Variants in PIEZO2 observed in about 807,000 individuals in gnomAD.
The protein encoded by PIEZO2 is piezo type mechanosensitive ion channel component 2, also known as piezo-type mechanosensitive ion channel component 2.
In PIEZO2, 172 loss-of-function variants were observed where a neutral mutation model predicts 337.3. That is an observed-to-expected ratio of 0.51 (90% CI 0.45 to 0.58). The LOEUF is 0.58. Among genes scored for constraint, PIEZO2 ranks in the 20% least tolerant of loss-of-function variants. The pLI is 0.00. For missense variants in PIEZO2, 3,028 were observed against 3,391.3 expected, an observed-to-expected ratio of 0.89 and a Z score of 2.66; for synonymous variants, 1,251 against 1,228.5, an observed-to-expected ratio of 1.02 and a Z score of -0.38.
intron 9 of PIEZO2, among the ~76,000 whole-genome samples, chr18:10,802,041 C>A (rs1218771013): frequency 1.4e-5 from 2 of 145,800 alleles, no homozygotes. Flanking sequence ...AGCCGAGATC[C>A]CGCCACTGCA....
At chr18:10,683,472 C>T (rs2034369106) in intron 49 of PIEZO2, among the ~76,000 whole-genome samples, 1 of 152,186 alleles carries the variant, frequency 6.6e-6, no homozygotes, top group Admixed American at 6.5e-5. Flanking sequence ...CAGATGGTAG[C>T]AGTGCATTTT....
chr18:10,699,207 GCTA>G, intron 43 of PIEZO2, 30 bp from the exon 44 acceptor site: 4 of 1,536,640 alleles, frequency 2.6e-6, no homozygotes, highest in Non-Finnish European at 3.5e-6. Context: ...GACAAATGAG[GCTA>G]CTGTTTCAGG....
chr18:10,785,965 CCT>C (rs145970989), intron 16 of PIEZO2, among the ~76,000 whole-genome samples: 2,385 of 152,308 alleles, frequency 0.016, 40 homozygotes, highest in African/African-American at 0.052. Context: ...CCACTCACCC[CCT>C]GTCTTCAGTT....
rs2037595118 is a variant in PIEZO2, at chr18:10,750,237, A to G, written c.4168-50T>C. ...TCCTGAAGCTCTGCAGCCAGAAAAA[A>G]AAGTGGTGTTTTATGATCCCAACAT... On this transcript the variant is annotated intron_variant, in intron 28 of 55. Coordinates refer to ENST00000674853, the MANE Select transcript of PIEZO2 (RefSeq NM_001378183.1). This position sits in a 1 kb window ranked among gnomAD's most constrained non-coding sequence, Gnocchi z 4.1. The G allele has an allele frequency of 3.6e-6, 5 of 1,389,310 alleles. No homozygotes were observed. Among genetic ancestry groups the G allele is most frequent in the African/African-American group, 1.4e-5 (1 of 70,270 alleles). The allele number at this position is 1,389,310 out of a possible 1,614,324, so 86.1% of individuals were successfully genotyped here. A position where few individuals can be genotyped will look rare whatever the true frequency, so the allele number is the denominator to read the frequency against.
chr18:10,678,810 GTC>G (rs150624372), intron 52 of PIEZO2, among the ~76,000 whole-genome samples: 5,638 of 152,170 alleles, frequency 0.037, 354 homozygotes, highest in African/African-American at 0.13. Flanking sequence ...CTCTCAGGAA[GTC>G]TCTCTCTTCG....
At chr18:11,014,873 G>GGGC (rs2036052012) in intron 2 of PIEZO2, among the ~76,000 whole-genome samples, 1 of 130,854 alleles carries the variant, frequency 7.6e-6, no homozygotes, top group Non-Finnish European at 1.6e-5. Context: ...GCGATCCAAG[G>GGGC]CCCCCTCATT....
Position 11,066,146 on chromosome 18 carries a change from T to C in PIEZO2, c.141A>G (p.Pro47=). The part of the protein sequence containing the change: ...YLLLIPLFSE[P]TKTTMQGHTG... ...TCTTACCTTGCATCGTCGTTTTTGT[T>C]GGTTCTGAGAACAGAGGAATGAGCA... The change falls in exon 2 of 56, where the codon CCA becomes CCG. Residue 47 remains proline, a synonymous_variant. Coordinates refer to ENST00000674853, the MANE Select transcript of PIEZO2 (RefSeq NM_001378183.1). 6.5e-7 allele frequency: 1 copy of C among 1,535,992 alleles called. No homozygotes were observed. The highest frequency in any genetic ancestry group is 1.2e-5 in the South Asian group (1 of 84,024).
chr18:10,879,787 C>T (rs937587264), intron 4 of PIEZO2, among the ~76,000 whole-genome samples: 1 of 152,158 alleles, frequency 6.6e-6, no homozygotes, highest in African/African-American at 2.4e-5. Context: ...TTCTAAATAA[C>T]TTACCTGTCC....
intron 35 of PIEZO2, among the ~76,000 whole-genome samples, chr18:10,733,017 G>C (rs79702848): frequency 7.5e-4 from 4 of 5,346 alleles, no homozygotes; most frequent in Non-Finnish European, 1.3e-3. Context: ...TTGTGAATAT[G>C]AGGCGCACAA....
At chr18:11,005,086 C>CTCAGACT (rs2035672748) in intron 2 of PIEZO2, among the ~76,000 whole-genome samples, 1 of 152,214 alleles carries the variant, frequency 6.6e-6, no homozygotes. Context: ...ACAAGAAGTC[C>CTCAGACT]TCAGACTTCT....
intron 35 of PIEZO2, among the ~76,000 whole-genome samples, chr18:10,734,598 G>T (rs879417535): frequency 1.3e-5 from 2 of 152,160 alleles, no homozygotes; most frequent in Non-Finnish European, 2.9e-5. Flanking sequence ...ATGTTTTTCC[G>T]TAACGAAGCG....
intron 41 of PIEZO2, 64 bp from the exon 42 acceptor site, chr18:10,704,716 C>A: frequency 6.7e-7 from 1 of 1,492,522 alleles, no homozygotes; most frequent in Non-Finnish European, 8.9e-7. Context: ...TGGAGTTTTG[C>A]TCTTGTTGCC....
chr18:10,936,265 T>C (rs1218053687), intron 3 of PIEZO2, among the ~76,000 whole-genome samples: 1 of 152,204 alleles, frequency 6.6e-6, no homozygotes, highest in Non-Finnish European at 1.5e-5. Context: ...AGTTCTGAAA[T>C]TGCAATGTCG....
In PIEZO2 at chr18:11,078,690, T is replaced by C. The variant is rs1483247896; in HGVS notation, c.65-12468A>G. On this transcript the variant is annotated intron_variant, in intron 1 of 55. Transcript: ENST00000674853. This position sits in a 1 kb window ranked among gnomAD's most constrained non-coding sequence, Gnocchi z 5.3. ...TATGATACCATACTAATGAGACACA[T>C]GCGGCCTCTGACCACAGTGTGAAAA... Among the ~76,000 whole-genome samples, 1 of 152,216 alleles carries C rather than the reference T, an allele frequency of 6.6e-6. No individual in the cohort carries two copies. Among genetic ancestry groups the C allele is most frequent in the Non-Finnish European group, 1.5e-5 (1 of 68,042 alleles).
chr18:10,718,583 G>A (rs28681466), intron 36 of PIEZO2, among the ~76,000 whole-genome samples: 6,884 of 152,234 alleles, frequency 0.045, 514 homozygotes, highest in African/African-American at 0.16. Context: ...AAGGAGAATA[G>A]TATTTGGTGC....
rs2041729594 is a variant in PIEZO2, at chr18:10,857,144, C to T, written c.560G>A (p.Gly187Asp). Residue 187 changes from glycine (G) to aspartate (D), a missense_variant, in exon 6 of 56, where the codon GGT (glycine) becomes GAT (aspartate). Physicochemically the swap from Gly to Asp is moderately conservative, Grantham distance 94 (BLOSUM62 -1). Around this residue, in one of 5 missense-constraint regions of PIEZO2, gnomAD observed 542 missense variants for 605.6 expected, o/e 0.89. Coordinates refer to ENST00000674853, the MANE Select transcript of PIEZO2 (RefSeq NM_001378183.1). Reference sequence around the variant, plus strand: ...GCTTTCTTCCAACTCGCCTTCAACACCATCTCCTCCATTGAAATCCTCTTC... The same window carrying T: ...GCTTTCTTCCAACTCGCCTTCAACATCATCTCCTCCATTGAAATCCTCTTC... ...IYEEDFNGGD[G>D]VEGELEESTK... 1 of 1,537,898 alleles carries T rather than the reference C, an allele frequency of 6.5e-7. No individual in the cohort carries two copies. The highest frequency in any genetic ancestry group is 1.2e-5 in the South Asian group (1 of 84,068).
intron 1 of PIEZO2, among the ~76,000 whole-genome samples, chr18:11,144,626 T>G (rs1223690940): frequency 6.6e-6 from 1 of 152,272 alleles, no homozygotes; most frequent in Admixed American, 6.5e-5. Context: ...ACTCACATTT[T>G]AATCCAACTA....
intron 4 of PIEZO2, among the ~76,000 whole-genome samples, chr18:10,897,377 C>T (rs1202816663): frequency 3.3e-5 from 5 of 152,058 alleles, no homozygotes; most frequent in African/African-American, 1.2e-4. Context: ...TTAGTAGAGA[C>T]GGGATTTCAC....
At position 10,895,418 on chromosome 18, in the gene PIEZO2, C is replaced by T. The variant is rs138336967; in HGVS notation, c.329+15768G>A. On this transcript the variant is annotated intron_variant, in intron 4 of 55. Coordinates refer to ENST00000674853, the MANE Select transcript of PIEZO2 (RefSeq NM_001378183.1). The surrounding 1 kb of genome is among the most constrained non-coding windows in gnomAD (Gnocchi z 4.8). The stretch of plus-strand genomic sequence containing the variant: ...CCGAGATTGCACCACAGCACTCCAG[C>T]CTGGGCAACAGAGCAAGACTCCGTC... Among the ~76,000 whole-genome samples, 1 of 151,970 alleles carries T rather than the reference C, an allele frequency of 6.6e-6. No individual in the cohort carries two copies. The highest frequency in any genetic ancestry group is 2.4e-5 in the African/African-American group (1 of 41,366).
Sources: allele counts gnomAD v4.1 joint callset (sites outside exome capture counted in the v4.1 genomes callset), GRCh38; gene constraint gnomAD v4.1.1; regional missense constraint gnomAD v4.1.1; non-coding constraint Gnocchi (gnomAD v3.1); transcripts MANE v1.5; gene names NCBI Gene and HGNC (gene_info 2026-07-23, HGNC 2026-07-21).